ACAP2: variants seen among roughly 807,000 people sequenced by gnomAD.
ACAP2 encodes ArfGAP with coiled-coil, ankyrin repeat and PH domains 2.
Under a neutral mutation model 115.8 loss-of-function variants are expected in ACAP2, and 39 were observed. The observed-to-expected ratio is 0.34, with a 90% CI of 0.26 to 0.44. The LOEUF (loss-of-function observed/expected upper bound fraction) is 0.44. Among genes scored for constraint, ACAP2 ranks in the 20% least tolerant of loss-of-function variants. ACAP2 has a pLI of 1.00. For synonymous variants in ACAP2, 289 were observed against 315.8 expected, an observed-to-expected ratio of 0.92 and a Z score of 0.90; for missense variants, 662 against 927.6, an observed-to-expected ratio of 0.71 and a Z score of 3.72.
At chr3:195,368,494 T>A (rs1732886452) in intron 4 of ACAP2, among the ~76,000 whole-genome samples, 1 of 152,202 alleles carries the variant, frequency 6.6e-6, no homozygotes, top group African/African-American at 2.4e-5. Flanking sequence ...AAAGCTATAT[T>A]AATTCTTCCT....
intron 10 of ACAP2, among the ~76,000 whole-genome samples, chr3:195,311,411 C>T (rs1233309489): frequency 6.6e-6 from 1 of 150,520 alleles, no homozygotes; most frequent in Non-Finnish European, 1.5e-5. Context: ...TTGTTACTAA[C>T]ATTTCTAAGA....
At chr3:195,394,713 G>A (rs192821113) in intron 1 of ACAP2, among the ~76,000 whole-genome samples, 2 of 152,274 alleles carry the variant, frequency 1.3e-5, no homozygotes, top group Non-Finnish European at 2.9e-5. Flanking sequence ...AACAAAGCAA[G>A]ACTCAGTCTC....
intron 13 of ACAP2, among the ~76,000 whole-genome samples, chr3:195,302,480 C>A: frequency 6.6e-6 from 1 of 151,976 alleles, no homozygotes; most frequent in East Asian, 1.9e-4. Flanking sequence ...AGGGTGGAGA[C>A]AGAGGAAATA....
At chr3:195,424,385 C>T (rs1224779384) in intron 1 of ACAP2, among the ~76,000 whole-genome samples, 9 of 147,962 alleles carry the variant, frequency 6.1e-5, no homozygotes, top group Admixed American at 5.4e-4. Flanking sequence ...ACCTCCACCT[C>T]CCTGGTTCAA....
intron 19 of ACAP2, among the ~76,000 whole-genome samples, 182 bp downstream of exon 19, chr3:195,292,083 C>CA (rs1167587277): frequency 3.3e-5 from 5 of 152,118 alleles, no homozygotes; most frequent in African/African-American, 9.7e-5. Context: ...TCTTCCACTG[C>CA]AAAAAAACTT....
intron 4 of ACAP2, among the ~76,000 whole-genome samples, chr3:195,353,142 T>C (rs1731726107): frequency 6.6e-6 from 1 of 151,186 alleles, no homozygotes; most frequent in South Asian, 2.1e-4. Context: ...TTGGATCACT[T>C]GTTTTAGCAG....
At chr3:195,403,040 A>G (rs1036355556) in intron 1 of ACAP2, among the ~76,000 whole-genome samples, 1 of 152,194 alleles carries the variant, frequency 6.6e-6, no homozygotes, top group Non-Finnish European at 1.5e-5. Context: ...AAAAAAGGAA[A>G]GTGAAATAAG....
chr3:195,341,633 G>A (rs764973353), intron 6 of ACAP2, among the ~76,000 whole-genome samples: 1 of 151,960 alleles, frequency 6.6e-6, no homozygotes, highest in Non-Finnish European at 1.5e-5. Flanking sequence ...CAGATTTCTA[G>A]TTTTTAAAAA....
chr3:195,400,159 C>T (rs1712155475), intron 1 of ACAP2, among the ~76,000 whole-genome samples: 1 of 146,378 alleles, frequency 6.8e-6, no homozygotes, highest in South Asian at 2.2e-4. Context: ...GCCTGGGCAA[C>T]AAGAATGACA....
At chr3:195,340,752 G>A (rs1049703913) in intron 6 of ACAP2, among the ~76,000 whole-genome samples, 1 of 152,168 alleles carries the variant, frequency 6.6e-6, no homozygotes, top group African/African-American at 2.4e-5. Context: ...CATTTCAGTG[G>A]GTTAGGCAGG....
chr3:195,400,730 A>C (rs1368544836), intron 1 of ACAP2, among the ~76,000 whole-genome samples: 1 of 152,214 alleles, frequency 6.6e-6, no homozygotes, highest in Admixed American at 6.5e-5. Context: ...TGTAAACTTC[A>C]TGATTCATAA....
At chr3:195,416,381 A>C (rs1432845904) in intron 1 of ACAP2, among the ~76,000 whole-genome samples, 1 of 151,944 alleles carries the variant, frequency 6.6e-6, no homozygotes, top group East Asian at 1.9e-4. Flanking sequence ...CCATCGGTTA[A>C]GAAACACAAA....
In ACAP2 at chr3:195,380,869, T is replaced by C. The variant is rs370973192; in HGVS notation, c.285+140A>G. The C allele has an allele frequency of 8.4e-6, 6 of 713,188 alleles. No homozygotes were observed. The East Asian group carries it at 1.4e-4, about 16-fold the overall frequency. 44.2% of individuals were successfully genotyped at this position (713,188 alleles called of 1,614,324 possible). ...ACACAAATACACACACAGCGTACAT[T>C]TTAGATTCACCCAGCTAAAAAGTTG... On this transcript the variant is annotated intron_variant, in intron 4 of 22. Coordinates refer to ENST00000326793, the MANE Select transcript of ACAP2 (RefSeq NM_012287.6).
chr3:195,362,017 TAA>T (rs979194270), intron 4 of ACAP2, among the ~76,000 whole-genome samples: 13 of 151,920 alleles, frequency 8.6e-5, no homozygotes, highest in Admixed American at 3.9e-4. Flanking sequence ...AAAGCTCAAA[TAA>T]AAAGTCTTCC....
At position 195,326,877 on chromosome 3, in the gene ACAP2, T is replaced by C; in HGVS notation, c.744+8A>G. Reference sequence around the variant, plus strand: ...TGGAATTAATTTTTAATTTTTCCCCTGAGGTACCTTTTGTTGAATGGTGGA... The same window carrying C: ...TGGAATTAATTTTTAATTTTTCCCCCGAGGTACCTTTTGTTGAATGGTGGA... On this transcript the variant is annotated splice_region_variant and intron_variant, in intron 9 of 22. Transcript: ENST00000326793. 1 of 1,611,614 alleles carries C rather than the reference T, an allele frequency of 6.2e-7. No homozygotes were observed. Among genetic ancestry groups the C allele is most frequent in the South Asian group, 1.1e-5 (1 of 90,984 alleles).
intron 2 of ACAP2, among the ~76,000 whole-genome samples, chr3:195,386,351 T>C (rs1734302243): frequency 6.6e-6 from 1 of 152,216 alleles, no homozygotes; most frequent in Non-Finnish European, 1.5e-5. Flanking sequence ...AAACCATGAA[T>C]TACTCACTTT....
rs866901590 is a variant in ACAP2 at position 195,302,214 on chromosome 3, A to T, written c.1117-40T>A. The T allele has an allele frequency of 2.2e-4, 328 of 1,524,352 alleles. No individual in the cohort carries two copies. The Middle Eastern group carries it at 4.7e-3, about 22-fold the overall frequency. 94.4% of individuals were successfully genotyped at this position (1,524,352 alleles called of 1,614,324 possible). A position where few individuals can be genotyped will look rare whatever the true frequency, so the allele number is the denominator to read the frequency against. On this transcript the variant is annotated intron_variant, in intron 13 of 22. Transcript: ENST00000326793. The stretch of plus-strand genomic sequence containing the variant: ...AATTACTTGTTTTTAAAAAAAAAAA[A>T]GATTGAAATACTTTGTTGCACACTA...
At chr3:195,306,649 A>G in intron 12 of ACAP2, 33 bp from the exon 13 acceptor site, 2 of 1,538,452 alleles carry the variant, frequency 1.3e-6, no homozygotes, top group East Asian at 2.3e-5. Flanking sequence ...TTTCTCAGAC[A>G]CTAAGTTAAT....
chr3:195,360,104 C>T (rs545475396), intron 4 of ACAP2, among the ~76,000 whole-genome samples: 2 of 151,994 alleles, frequency 1.3e-5, no homozygotes, highest in African/African-American at 4.8e-5. Flanking sequence ...GATAAAGAAA[C>T]AAGACGCAAT....
Sources: allele counts gnomAD v4.1 joint callset (sites outside exome capture counted in the v4.1 genomes callset), GRCh38; gene constraint gnomAD v4.1.1; transcripts MANE v1.5; gene names NCBI Gene and HGNC (gene_info 2026-07-23, HGNC 2026-07-21).